The following CYRIA variants were observed in gnomAD, a reference collection of about 807,000 sequenced individuals.
CYRIA encodes the protein CYFIP-related Rac1 interactor A.
Under a neutral mutation model 43.9 loss-of-function variants are expected in CYRIA, and 15 were observed. The ratio of observed to expected loss-of-function variants is 0.34; its 90% confidence interval spans 0.23 to 0.53. The LOEUF is 0.53. CYRIA is among the 20% of genes least tolerant of loss of function. The probability of loss-of-function intolerance (pLI) is 0.94; values close to 1 mark genes in which losing one functional copy is unlikely to be tolerated. For missense variants in CYRIA, 236 were observed against 394.2 expected (o/e 0.60, Z 3.40); for synonymous variants, 117 against 136.0 (o/e 0.86, Z 0.97).
chr2:16,616,770 C>T (rs1668810099), intron 2 of CYRIA, among the ~76,000 whole-genome samples: 1 of 152,212 alleles, frequency 6.6e-6, no homozygotes, highest in African/African-American at 2.4e-5. Context: ...CCTTACAGTG[C>T]CCCAGGCACT....
At chr2:16,655,668 C>T (rs560818703) in intron 1 of CYRIA, among the ~76,000 whole-genome samples, 1 of 152,200 alleles carries the variant, frequency 6.6e-6, no homozygotes, top group African/African-American at 2.4e-5. Context: ...GGGGCTCAGA[C>T]AGCTGCAGCA....
chr2:16,582,043 T>G (rs560689549), intron 3 of CYRIA, among the ~76,000 whole-genome samples: 1 of 152,206 alleles, frequency 6.6e-6, no homozygotes, highest in Non-Finnish European at 1.5e-5. Flanking sequence ...TAGCTGTTTT[T>G]GGGGTCTGGT....
intron 3 of CYRIA, among the ~76,000 whole-genome samples, chr2:16,575,705 A>T (rs1667312186): frequency 6.6e-6 from 1 of 151,726 alleles, no homozygotes. Context: ...AATACAAAAA[A>T]ATTAGCCGGG....
intron 2 of CYRIA, among the ~76,000 whole-genome samples, chr2:16,602,364 A>G (rs1040739135): frequency 1.3e-5 from 2 of 149,268 alleles, no homozygotes; most frequent in South Asian, 2.1e-4. Flanking sequence ...GACTCATCCA[A>G]TTTTTTTTTT....
intron 2 of CYRIA, among the ~76,000 whole-genome samples, chr2:16,593,246 G>A (rs1667990603): frequency 6.6e-6 from 1 of 152,046 alleles, no homozygotes; most frequent in Non-Finnish European, 1.5e-5. Flanking sequence ...TATTTTTCAA[G>A]ATTGGTGTCC....
chr2:16,609,840 T>C (rs1668532229), intron 2 of CYRIA, among the ~76,000 whole-genome samples: 2 of 152,066 alleles, frequency 1.3e-5, no homozygotes. Flanking sequence ...ATCAACCTGA[T>C]ATTTTATTCA....
At chr2:16,660,118 G>A (rs1405046443) in intron 1 of CYRIA, among the ~76,000 whole-genome samples, 2 of 152,018 alleles carry the variant, frequency 1.3e-5, no homozygotes, top group African/African-American at 4.8e-5. Flanking sequence ...TAACTAAAAC[G>A]GCTAGGTTTT....
At chr2:16,616,047 C>T (rs189809089) in intron 2 of CYRIA, among the ~76,000 whole-genome samples, 248 of 152,272 alleles carry the variant, frequency 1.6e-3, no homozygotes, top group African/African-American at 5.6e-3. Context: ...GGCCTGATGT[C>T]GGGGGAGAAC....
chr2:16,561,584 T>C, intron 6 of CYRIA, 51 bp from the exon 7 acceptor site: 1 of 1,380,666 alleles, frequency 7.2e-7, no homozygotes, highest in Non-Finnish European at 1.0e-6. Flanking sequence ...TCAGATGGGG[T>C]ATATGCATTA....
intron 1 of CYRIA, among the ~76,000 whole-genome samples, chr2:16,632,842 G>T (rs1456655418): frequency 6.6e-6 from 1 of 152,096 alleles, no homozygotes; most frequent in East Asian, 1.9e-4. Flanking sequence ...TTGTTCCTAG[G>T]CTCCCTGCTG....
At chr2:16,632,465 GA>G (rs111519180) in intron 1 of CYRIA, among the ~76,000 whole-genome samples, 16,914 of 152,150 alleles carry the variant, frequency 0.11, 1,274 homozygotes, top group African/African-American at 0.2. Flanking sequence ...ACACACTCAT[GA>G]GCCTCAATTT....
intron 3 of CYRIA, among the ~76,000 whole-genome samples, chr2:16,569,064 G>C (rs1428150275): frequency 1.3e-5 from 2 of 152,186 alleles, no homozygotes; most frequent in African/African-American, 4.8e-5. Context: ...AAAAGGTACT[G>C]GCACTAGAGA....
chr2:16,590,283 T>C (rs1320514652), intron 2 of CYRIA, among the ~76,000 whole-genome samples: 2 of 152,162 alleles, frequency 1.3e-5, no homozygotes. Context: ...CTGGGCAGCA[T>C]TCACTATTCA....
intron 2 of CYRIA, among the ~76,000 whole-genome samples, chr2:16,600,844 G>A (rs912174358): frequency 6.6e-6 from 1 of 152,116 alleles, no homozygotes; most frequent in African/African-American, 2.4e-5. Flanking sequence ...TGATTGGGGG[G>A]ATAAAAAGGA....
chr2:16,590,438 A>G (rs1358380089), intron 2 of CYRIA, among the ~76,000 whole-genome samples: 2 of 152,146 alleles, frequency 1.3e-5, no homozygotes, highest in Non-Finnish European at 2.9e-5. Context: ...ATGGAAGCTA[A>G]ATATTCTTAG....
At position 16,612,902 on chromosome 2, in the gene CYRIA, T is replaced by TC. The variant is rs376728866; in HGVS notation, c.-11+10961dup. On this transcript the variant is annotated intron_variant, in intron 2 of 11. Transcript: ENST00000381323. The stretch of plus-strand genomic sequence containing the variant: ...GAGGTAATTGAATCATGGTGGCACT[T>TC]CCCCCCCATACTGTTCTCATGGTAG... Among the ~76,000 whole-genome samples the TC allele has an allele frequency of 5.0e-4, 76 of 152,104 alleles. 1 individual carries two copies. The highest frequency in any genetic ancestry group is 1.8e-3 in the African/African-American group (74 of 41,484).
intron 1 of CYRIA, among the ~76,000 whole-genome samples, chr2:16,664,767 G>A (rs1670346340): frequency 6.6e-6 from 1 of 152,206 alleles, no homozygotes; most frequent in Admixed American, 6.5e-5. Flanking sequence ...CTAACAGGGA[G>A]AAAAGGAGGG....
At chr2:16,562,699 C>G (rs1325271522) in intron 5 of CYRIA, among the ~76,000 whole-genome samples, 1 of 152,130 alleles carries the variant, frequency 6.6e-6, no homozygotes, top group African/African-American at 2.4e-5. Flanking sequence ...TCCCTTATAG[C>G]TTGTTCTTCA....
At chr2:16,554,582 T>C (rs182028852) in intron 11 of CYRIA, among the ~76,000 whole-genome samples, 1 of 152,286 alleles carries the variant, frequency 6.6e-6, no homozygotes, top group Non-Finnish European at 1.5e-5. Context: ...AATGGATACC[T>C]GAGACCCTAG....
Sources: gnomAD v4.1 joint callset for allele counts (sites outside exome capture counted in the v4.1 genomes callset) on GRCh38, gnomAD v4.1.1 for gene constraint, MANE v1.5 for transcripts, NCBI Gene and HGNC (gene_info 2026-07-23, HGNC 2026-07-21) for gene names.